Variants in ERP44 observed in about 807,000 individuals in gnomAD.
ERP44 encodes the protein endoplasmic reticulum protein 44.
A neutral mutation model predicts 53.4 loss-of-function variants in ERP44; 25 were observed. The observed-to-expected ratio is 0.47, with a 90% CI of 0.34 to 0.65. The LOEUF is 0.65. Among genes scored for constraint, ERP44 ranks in the 30% least tolerant of loss-of-function variants. The pLI is 0.01. For missense variants in ERP44, 338 were observed against 493.2 expected (o/e 0.69, Z 2.98); for synonymous variants, 145 against 161.2 (o/e 0.90, Z 0.76).
At chr9:100,032,699 G>C (rs1825804935) in intron 4 of ERP44, among the ~76,000 whole-genome samples, 1 of 152,210 alleles carries the variant, frequency 6.6e-6, no homozygotes, top group African/African-American at 2.4e-5. Context: ...GGCTTTAATA[G>C]TGGCTGTCCT....
At chr9:100,079,929 G>A (rs1587983928) in intron 1 of ERP44, among the ~76,000 whole-genome samples, 1 of 127,506 alleles carries the variant, frequency 7.8e-6, no homozygotes, top group South Asian at 2.4e-4. Context: ...AGTGAGTGCT[G>A]TCTTTAAAAA....
At chr9:100,036,887 C>A (rs985706130) in intron 4 of ERP44, among the ~76,000 whole-genome samples, 8 of 151,890 alleles carry the variant, frequency 5.3e-5, no homozygotes, top group Admixed American at 3.3e-4. Flanking sequence ...GGAGAGATTG[C>A]TTAACAGATT....
intron 10 of ERP44, among the ~76,000 whole-genome samples, chr9:99,998,140 T>A (rs1830333596): frequency 6.6e-6 from 1 of 152,242 alleles, no homozygotes; most frequent in Admixed American, 6.5e-5. Flanking sequence ...GATCACTACT[T>A]TCTTTAGAAT....
chr9:100,069,986 TAAA>T (rs1356872189), intron 1 of ERP44, among the ~76,000 whole-genome samples: 1 of 152,190 alleles, frequency 6.6e-6, no homozygotes, highest in Non-Finnish European at 1.5e-5. Context: ...ATTTTTGTTA[TAAA>T]AAGTTTTTCA....
intron 2 of ERP44, 57 bp downstream of exon 2, chr9:100,060,043 T>A: frequency 7.8e-7 from 1 of 1,282,460 alleles, no homozygotes; most frequent in Non-Finnish European, 1.0e-6. Flanking sequence ...TTTGTATATA[T>A]AAACTAACTC....
chr9:100,073,705 A>G (rs1826327852), intron 1 of ERP44, among the ~76,000 whole-genome samples: 2 of 152,244 alleles, frequency 1.3e-5, no homozygotes, highest in Admixed American at 6.5e-5. Flanking sequence ...GAAATTTTCA[A>G]TTACATTCTA....
At chr9:100,053,002 C>G (rs1264127974) in intron 3 of ERP44, among the ~76,000 whole-genome samples, 1 of 152,056 alleles carries the variant, frequency 6.6e-6, no homozygotes, top group Non-Finnish European at 1.5e-5. Context: ...ACTGCACCCT[C>G]CACCTCCAGG....
rs1830132977 is a variant in ERP44 at position 99,980,124 on chromosome 9, AAAT to A, written c.*2485_*2487del. On this transcript the variant is annotated 3_prime_UTR_variant, in exon 12 of 12. Transcript: ENST00000262455. ...TTCATCTTTTTAAAGCTCAAAATAA[AAAT>A]AATGTCCTCAAATCTCTGCAATTGA... 5.0e-6 allele frequency: 2 copies of A among 398,324 alleles called. No individual in the cohort carries two copies. Among genetic ancestry groups the A allele is most frequent in the Non-Finnish European group, 8.9e-6 (2 of 225,936 alleles). The allele number at this position is 398,324 out of a possible 1,614,324, so 24.7% of individuals were successfully genotyped here. A position where few individuals can be genotyped will look rare whatever the true frequency, so the allele number is the denominator to read the frequency against.
chr9:100,034,905 C>T (rs1483622967), intron 4 of ERP44, among the ~76,000 whole-genome samples: 3 of 152,070 alleles, frequency 2.0e-5, no homozygotes, highest in Non-Finnish European at 4.4e-5. Context: ...GAATAGAGAA[C>T]TCAGAAATAA....
At chr9:100,074,889 TC>T (rs1458760637) in intron 1 of ERP44, among the ~76,000 whole-genome samples, 1 of 152,122 alleles carries the variant, frequency 6.6e-6, no homozygotes, top group Non-Finnish European at 1.5e-5. Flanking sequence ...CCCGGACTCA[TC>T]CTGTGGTCAT....
At chr9:100,015,617 A>C (rs1830518748) in intron 8 of ERP44, among the ~76,000 whole-genome samples, 1 of 152,244 alleles carries the variant, frequency 6.6e-6, no homozygotes, top group Non-Finnish European at 1.5e-5. Flanking sequence ...AAAATCTTCT[A>C]GTGGCAAAGG....
chr9:99,983,949 A>T (rs1587952255), intron 11 of ERP44, among the ~76,000 whole-genome samples: 4 of 152,234 alleles, frequency 2.6e-5, no homozygotes, highest in Admixed American at 2.6e-4. Flanking sequence ...AATCAGGATA[A>T]TACAATAACG....
chr9:99,998,818 T>C (rs991672001), intron 10 of ERP44: 156 of 1,116,314 alleles, frequency 1.4e-4, no homozygotes, highest in Non-Finnish European at 1.9e-4. Flanking sequence ...TCTGCTTTTC[T>C]AATTTTCTAT....
chr9:100,069,551 G>C (rs1826276853), intron 1 of ERP44, among the ~76,000 whole-genome samples: 1 of 152,092 alleles, frequency 6.6e-6, no homozygotes, highest in Admixed American at 6.5e-5. Flanking sequence ...AGCTGAGATT[G>C]AGCCAGTGCA....
chr9:100,033,305 GC>G (rs1352290690), intron 4 of ERP44, among the ~76,000 whole-genome samples: 7 of 152,196 alleles, frequency 4.6e-5, no homozygotes, highest in Admixed American at 2.0e-4. Context: ...GAGAAAACTG[GC>G]CTTACACCTT....
intron 1 of ERP44, among the ~76,000 whole-genome samples, chr9:100,074,357 G>A (rs1826334817): frequency 6.6e-6 from 1 of 152,136 alleles, no homozygotes; most frequent in African/African-American, 2.4e-5. Context: ...ACACTATTCA[G>A]AATATTCTGA....
chr9:100,006,987 T>C (rs1830430381), intron 9 of ERP44, among the ~76,000 whole-genome samples: 1 of 152,244 alleles, frequency 6.6e-6, no homozygotes, highest in Non-Finnish European at 1.5e-5. Context: ...GCCATTCTCA[T>C]GGGACCATTT....
chr9:100,034,239 T>A (rs1168332002), intron 4 of ERP44, among the ~76,000 whole-genome samples: 1 of 152,174 alleles, frequency 6.6e-6, no homozygotes, highest in Non-Finnish European at 1.5e-5. Flanking sequence ...GAAAGTGAAC[T>A]CTGGTCATCC....
At chr9:100,077,602 C>G (rs763044928) in intron 1 of ERP44, among the ~76,000 whole-genome samples, 1 of 152,210 alleles carries the variant, frequency 6.6e-6, no homozygotes, top group Non-Finnish European at 1.5e-5. Flanking sequence ...CACAACATTA[C>G]GTTCTGCTGG....
Sources: allele counts gnomAD v4.1 joint callset (sites outside exome capture counted in the v4.1 genomes callset), GRCh38; gene constraint gnomAD v4.1.1; transcripts MANE v1.5; gene names NCBI Gene and HGNC (gene_info 2026-07-23, HGNC 2026-07-21).